Variants in RAD51AP1 observed in about 807,000 individuals in gnomAD.
The protein encoded by RAD51AP1 is RAD51 associated protein 1.
Under a neutral mutation model 34.3 loss-of-function variants are expected in RAD51AP1, and 14 were observed. The observed-to-expected ratio is 0.41, with a 90% CI of 0.27 to 0.64. The LOEUF is 0.64. RAD51AP1 is among the 30% of genes least tolerant of loss of function. The pLI, the probability that RAD51AP1 is intolerant of heterozygous loss-of-function variation, is 0.33. For synonymous variants in RAD51AP1, 114 were observed against 129.8 expected, an observed-to-expected ratio of 0.88 and a Z score of 0.83; for missense variants, 348 against 386.9, an observed-to-expected ratio of 0.90 and a Z score of 0.84.
At chr12:4,545,240 G>A (rs746918035) in intron 3 of RAD51AP1, 4 of 454,124 alleles carry the variant, frequency 8.8e-6, no homozygotes, top group South Asian at 6.2e-5. Context: ...AATGACAACT[G>A]ATAACTGATA....
intron 1 of RAD51AP1, among the ~76,000 whole-genome samples, chr12:4,541,149 A>G (rs1316207404): frequency 6.6e-6 from 1 of 152,216 alleles, no homozygotes; most frequent in Non-Finnish European, 1.5e-5. Context: ...CAGTACCTAC[A>G]TGGCACTCAA....
At chr12:4,551,473 C>A (rs190354823) in intron 6 of RAD51AP1, among the ~76,000 whole-genome samples, 3 of 134,012 alleles carry the variant, frequency 2.2e-5, no homozygotes, top group East Asian at 4.1e-4. Context: ...CCAGCCTGGG[C>A]GACAGAGTGA....
chr12:4,557,791 G>A (rs758926733), intron 8 of RAD51AP1, among the ~76,000 whole-genome samples: 4 of 152,136 alleles, frequency 2.6e-5, no homozygotes, highest in Non-Finnish European at 2.9e-5. Flanking sequence ...GTAGACTTGC[G>A]TGGGTAGGAA....
intron 8 of RAD51AP1, 145 bp from the exon 9 acceptor site, chr12:4,558,712 G>T: frequency 3.1e-6 from 3 of 966,642 alleles, no homozygotes; most frequent in Admixed American, 2.9e-5. Flanking sequence ...AGAACATTCT[G>T]TTCTTTTGAT....
At chr12:4,556,544 A>G (rs757307589) in intron 8 of RAD51AP1, 42 bp downstream of exon 8, 1 of 1,585,610 alleles carries the variant, frequency 6.3e-7, no homozygotes, top group Non-Finnish European at 8.6e-7. Flanking sequence ...TTGGAAAATT[A>G]TCACTGGTAA....
chr12:4,546,397 G>A lies in RAD51AP1; in HGVS notation c.298G>A (p.Val100Met), dbSNP rs774027604. Residue 100 changes from valine to methionine, a missense_variant, in exon 4 of 9, where the codon GTG becomes ATG. Physicochemically the swap from Val to Met is conservative, Grantham distance 21. Transcript: ENST00000352618. ...VKELPTVTTN[V>M]QNSQDKSIEK... ...GGAACTTCCAACAGTCACCACTAAT[G>A]TGCAGAACTCTCAAGATAAAAGTAA... The A allele has an allele frequency of 1.9e-6, 3 of 1,609,326 alleles. No homozygotes were observed. Among genetic ancestry groups the A allele is most frequent in the Non-Finnish European group, 2.6e-6 (3 of 1,176,378 alleles).
Position 4,542,133 on chromosome 12 carries a change from C to T in RAD51AP1, c.67+200C>T, listed in dbSNP as rs145191495. 6.9e-4 allele frequency among the ~76,000 whole-genome samples: 105 copies of T among 152,180 alleles called. 1 individual carries two copies. The highest frequency in any genetic ancestry group is 1.9e-3 in the African/African-American group (80 of 41,514). The stretch of plus-strand genomic sequence containing the variant: ...ATTATGTTAGTAGGTGATAAATGAA[C>T]AGGCCAGGTGAAAAGTCTCTTTAGA... On this transcript the variant is annotated intron_variant, in intron 2 of 8. Transcript: ENST00000352618.
At position 4,552,971 on chromosome 12, in the gene RAD51AP1, C is replaced by T. The variant is rs1254330701; in HGVS notation, c.557-12C>T. ...TTAGAGCAAAGATGAACTATATAAT[C>T]TTCTGTTTTAGGTGAAGATTCTGAG... is the stretch of plus-strand genomic sequence containing the variant. On this transcript the variant is annotated splice_polypyrimidine_tract_variant and intron_variant, in intron 6 of 8. Transcript: ENST00000352618. 1 of 1,557,622 alleles carries T rather than the reference C, an allele frequency of 6.4e-7. No homozygotes were observed. The highest frequency in any genetic ancestry group is 8.6e-7 in the Non-Finnish European group (1 of 1,157,830).
At chr12:4,558,185 C>T (rs1472533855) in intron 8 of RAD51AP1, among the ~76,000 whole-genome samples, 1 of 151,732 alleles carries the variant, frequency 6.6e-6, no homozygotes, top group African/African-American at 2.4e-5. Flanking sequence ...TTCAGTCTCA[C>T]TGGTAATTAA....
chr12:4,556,298 G>A, intron 7 of RAD51AP1, 55 bp from the exon 8 acceptor site: 2 of 1,322,314 alleles, frequency 1.5e-6, no homozygotes, highest in Non-Finnish European at 1.1e-6. Flanking sequence ...ATATATGCTA[G>A]ACTTACTTTT....
chr12:4,553,433 G>C (rs1262309719), intron 7 of RAD51AP1, among the ~76,000 whole-genome samples: 2 of 152,208 alleles, frequency 1.3e-5, no homozygotes, highest in Non-Finnish European at 2.9e-5. Flanking sequence ...CTGAGTGTCA[G>C]AGAGGTTAAA....
chr12:4,555,659 A>G (rs1013567046), intron 7 of RAD51AP1, among the ~76,000 whole-genome samples: 13 of 152,166 alleles, frequency 8.5e-5, no homozygotes, highest in African/African-American at 2.7e-4. Context: ...TGCATCCTCC[A>G]TCTTTGCACA....
Position 4,559,840 on chromosome 12 carries a change from A to C in RAD51AP1, c.*847A>C, listed in dbSNP as rs1944608564. ...AGCTTTTCAGGAAGCTTAGATCTGA[A>C]TTTACTTTGAAAAACAATTGTAATG... On this transcript the variant is annotated 3_prime_UTR_variant, in exon 9 of 9. Coordinates refer to ENST00000352618, the MANE Select transcript of RAD51AP1 (RefSeq NM_006479.5). 1 of 152,208 alleles carries C rather than the reference A, an allele frequency of 6.6e-6. No homozygotes were observed. Among genetic ancestry groups the C allele is most frequent in the Non-Finnish European group, 1.5e-5 (1 of 68,018 alleles). 9.4% of individuals were successfully genotyped at this position (152,208 alleles called of 1,614,324 possible).
chr12:4,553,235 T>C (rs964845935), intron 7 of RAD51AP1, 88 bp downstream of exon 7: 3 of 1,178,334 alleles, frequency 2.5e-6, no homozygotes, highest in Non-Finnish European at 3.5e-6. Context: ...TTTGTTCTCT[T>C]TAACATTTTC....
intron 8 of RAD51AP1, among the ~76,000 whole-genome samples, chr12:4,558,613 T>C (rs1944599059): frequency 6.6e-6 from 1 of 152,196 alleles, no homozygotes; most frequent in Non-Finnish European, 1.5e-5. Context: ...AGCCTTCCTT[T>C]TTCAGCTTTC....
chr12:4,551,340 C>T (rs751143525), intron 6 of RAD51AP1, among the ~76,000 whole-genome samples: 75 of 151,792 alleles, frequency 4.9e-4, no homozygotes, highest in African/African-American at 1.8e-3. Context: ...TACTAAAACA[C>T]AAAAATTAGC....
At chr12:4,546,543 T>G (rs1944507813) in intron 4 of RAD51AP1, 125 bp downstream of exon 4, 1 of 609,232 alleles carries the variant, frequency 1.6e-6, no homozygotes, top group African/African-American at 1.9e-5. Context: ...AATAGACCCA[T>G]TTGCAGAGAA....
At chr12:4,552,931 C>A in intron 6 of RAD51AP1, 52 bp from the exon 7 acceptor site, 1 of 1,462,242 alleles carries the variant, frequency 6.8e-7, no homozygotes, top group Non-Finnish European at 9.1e-7. Context: ...GTTAAGGCAA[C>A]AGAATCCTCA....
chr12:4,546,006 A>G (rs1187393800), intron 3 of RAD51AP1, among the ~76,000 whole-genome samples: 1 of 152,196 alleles, frequency 6.6e-6, no homozygotes, highest in Admixed American at 6.5e-5. Context: ...TTTTGGGTTG[A>G]GTAGGGTGTT....
Sources: gnomAD v4.1 joint callset for allele counts (sites outside exome capture counted in the v4.1 genomes callset) on GRCh38, gnomAD v4.1.1 for gene constraint, MANE v1.5 for transcripts, NCBI Gene and HGNC (gene_info 2026-07-23, HGNC 2026-07-21) for gene names.